COL6A5: variants seen among roughly 807,000 people sequenced by gnomAD.
The protein encoded by COL6A5 is collagen type VI alpha 5 chain, also known as collagen alpha-5(VI) chain.
In COL6A5, 48 loss-of-function variants were observed where a neutral mutation model predicts 65.6. The ratio of observed to expected loss-of-function variants is 0.73; its 90% CI spans 0.58 to 0.93. The LOEUF (loss-of-function observed/expected upper bound fraction) is 0.93, where lower values mean the gene tolerates loss of function less well. Among genes scored for constraint, COL6A5 ranks in the 40% least tolerant of loss-of-function variants. The probability of loss-of-function intolerance (pLI) is 0.00; values close to 1 mark genes in which losing one functional copy is unlikely to be tolerated. For synonymous variants in COL6A5, 291 were observed against 322.8 expected (o/e 0.90, Z 1.05); for missense variants, 914 against 928.3 (o/e 0.98, Z 0.20).
At chr3:130,404,121 C>T (rs1353220527) in intron 13 of COL6A5, among the ~76,000 whole-genome samples, 1 of 152,170 alleles carries the variant, frequency 6.6e-6, no homozygotes, top group Non-Finnish European at 1.5e-5. Flanking sequence ...TACACCCTTC[C>T]ATGGAAAGGG....
chr3:130,378,999 C>T (rs1388933457), intron 3 of COL6A5, among the ~76,000 whole-genome samples: 1 of 152,058 alleles, frequency 6.6e-6, no homozygotes, highest in Non-Finnish European at 1.5e-5. Flanking sequence ...ATGATGGTGG[C>T]AGTGGTAAAG....
At chr3:130,458,249 A>G (rs1277387851) in intron 5 of COL6A5, among the ~76,000 whole-genome samples, 3 of 152,102 alleles carry the variant, frequency 2.0e-5, no homozygotes, top group Non-Finnish European at 2.9e-5. Flanking sequence ...ATTATCTGGA[A>G]GCTCATTATA....
chr3:130,439,568 G>A, exon 2 of COL6A5: 1 of 1,551,158 alleles, frequency 6.4e-7, no homozygotes, highest in South Asian at 1.2e-5. Flanking sequence ...CCTCCAAATG[G>A]GGAAAATCAA....
intron 5 of COL6A5, 148 bp from the exon 38 acceptor site, chr3:130,468,647 G>T (rs750377520): frequency 1.6e-6 from 1 of 623,490 alleles, no homozygotes; most frequent in Non-Finnish European, 2.8e-6. Context: ...GGGTGCATCT[G>T]GGAACAAGCA....
At chr3:130,427,602 C>A (rs1429071074), upstream of COL6A5, among the ~76,000 whole-genome samples, 1 of 151,844 alleles carries the variant, frequency 6.6e-6, no homozygotes, top group African/African-American at 2.4e-5. Context: ...AACGATCGAC[C>A]CCAGTGAAAT....
At chr3:130,475,365 T>C (rs1202166536) in intron 7 of COL6A5, among the ~76,000 whole-genome samples, 1 of 151,880 alleles carries the variant, frequency 6.6e-6, no homozygotes, top group African/African-American at 2.4e-5. Context: ...TTGAAGCAGC[T>C]AAGAAACTAT....
chr3:130,439,339 TTGTGTG>T (rs5852597), intron 1 of COL6A5, among the ~76,000 whole-genome samples, 177 bp from the exon 34 acceptor site: 74,401 of 146,426 alleles, frequency 0.51, 20,690 homozygotes, highest in Non-Finnish European at 0.63. Flanking sequence ...AAGCAGGGGA[TTGTGTG>T]TGTGTGTGTG....
intron 1 of COL6A5, among the ~76,000 whole-genome samples, chr3:130,365,280 TG>T (rs1935291707): frequency 6.7e-6 from 1 of 149,018 alleles, no homozygotes; most frequent in Non-Finnish European, 1.5e-5. Context: ...TGTTTTGTTT[TG>T]TTTTGTTTTG....
At chr3:130,352,308 A>G (rs1010504609) in intron 1 of COL6A5, among the ~76,000 whole-genome samples, 4 of 152,268 alleles carry the variant, frequency 2.6e-5, no homozygotes, top group Admixed American at 2.6e-4. Flanking sequence ...AGGTGTAAAA[A>G]AAAAAAGATT....
intron 1 of COL6A5, among the ~76,000 whole-genome samples, chr3:130,438,187 G>A (rs1415897753): frequency 6.6e-6 from 1 of 151,998 alleles, no homozygotes; most frequent in Admixed American, 6.6e-5. Context: ...TAGTAGAGAC[G>A]GGGTTTACTA....
intron 1 of COL6A5, among the ~76,000 whole-genome samples, chr3:130,369,474 C>G (rs1277466375): frequency 6.6e-6 from 1 of 152,096 alleles, no homozygotes; most frequent in African/African-American, 2.4e-5. Context: ...GTGTCTGAAC[C>G]TCTTAGAGGG....
exon 8 of COL6A5, chr3:130,395,073 T>C: frequency 6.4e-7 from 1 of 1,551,674 alleles, no homozygotes; most frequent in Non-Finnish European, 8.7e-7. Flanking sequence ...ATTATTGAGT[T>C]GAAAAACTCT....
At chr3:130,371,952 G>A (rs1577438267) in intron 1 of COL6A5, among the ~76,000 whole-genome samples, 1 of 152,048 alleles carries the variant, frequency 6.6e-6, no homozygotes, top group Non-Finnish European at 1.5e-5. Context: ...TAGTATTCTA[G>A]CATCTAGAGT....
intron 27 of COL6A5, 137 bp from the exon 28 acceptor site, chr3:130,422,583 G>T (rs976324): frequency 0.11 from 60,713 of 530,338 alleles, 3,860 homozygotes; most frequent in Middle Eastern, 0.16. Flanking sequence ...AGGAAAAGAT[G>T]ACATTTAATG....
At chr3:130,440,922 C>A in intron 3 of COL6A5, 97 bp downstream of exon 35, 1 of 898,930 alleles carries the variant, frequency 1.1e-6, no homozygotes, top group Non-Finnish European at 1.7e-6. Flanking sequence ...CTAATCTAAA[C>A]ATAATTTATG....
At chr3:130,396,726 A>C (rs1936614066) in intron 8 of COL6A5, among the ~76,000 whole-genome samples, 1 of 152,222 alleles carries the variant, frequency 6.6e-6, no homozygotes, top group Admixed American at 6.5e-5. Context: ...GAAATGGGTC[A>C]TTGTTCTCCA....
At chr3:130,431,394 G>T (rs751319777), upstream of COL6A5, 132 of 1,502,182 alleles carry the variant, frequency 8.8e-5, no homozygotes, top group East Asian at 9.8e-5. Context: ...CCACTTCATT[G>T]GAGTAAAGAG....
At chr3:130,402,211 T>G (rs914643947) in intron 12 of COL6A5, among the ~76,000 whole-genome samples, 1 of 152,030 alleles carries the variant, frequency 6.6e-6, no homozygotes, top group Non-Finnish European at 1.5e-5. Context: ...GAGGCTAAGG[T>G]GGGAAGATCA....
chr3:130,395,099 T>C (rs1232433232), exon 8 of COL6A5: 1 of 1,551,520 alleles, frequency 6.4e-7, no homozygotes, highest in African/African-American at 1.4e-5. Flanking sequence ...TAAAACCCAG[T>C]GGAAGACTCA....
Sources: gnomAD v4.1 joint callset for allele counts (sites outside exome capture counted in the v4.1 genomes callset) on GRCh38, gnomAD v4.1.1 for gene constraint, MANE v1.5 for transcripts, NCBI Gene and HGNC (gene_info 2026-07-23, HGNC 2026-07-21) for gene names.